Variants in DNAH14 observed in about 807,000 individuals in gnomAD.
DNAH14 encodes the protein dynein axonemal heavy chain 14, also known as axonemal beta dynein heavy chain 14.
A neutral mutation model predicts 520.9 loss-of-function variants in DNAH14; 478 were observed. The ratio of observed to expected loss-of-function variants is 0.92; its 90% CI spans 0.85 to 0.99. The LOEUF (loss-of-function observed/expected upper bound fraction) is 0.99, where lower values mean the gene tolerates loss of function less well. Ranked by LOEUF, DNAH14 falls within the 50% of genes least tolerant of loss-of-function variation. The probability of loss-of-function intolerance (pLI) is 0.00; values close to 1 mark genes in which losing one functional copy is unlikely to be tolerated. For missense variants in DNAH14, 4,831 were observed against 5,234.5 expected, an observed-to-expected ratio of 0.92 and a Z score of 2.38; for synonymous variants, 1,581 against 1,757.2, an observed-to-expected ratio of 0.90 and a Z score of 2.51.
At chr1:225,098,183 C>T (rs964064225) in intron 22 of DNAH14, among the ~76,000 whole-genome samples, 1 of 150,758 alleles carries the variant, frequency 6.6e-6, no homozygotes, top group Non-Finnish European at 1.5e-5. Context: ...AACCATACCA[C>T]AGAGAGAGAC....
chr1:225,062,300 A>G (rs553585837), intron 17 of DNAH14, among the ~76,000 whole-genome samples: 3 of 152,082 alleles, frequency 2.0e-5, no homozygotes, highest in Non-Finnish European at 4.4e-5. Context: ...CTGTATCTCA[A>G]AAAGAGAGAG....
intron 43 of DNAH14, among the ~76,000 whole-genome samples, chr1:225,245,325 T>A (rs2092220608): frequency 6.6e-6 from 1 of 152,168 alleles, no homozygotes; most frequent in Non-Finnish European, 1.5e-5. Flanking sequence ...ATTCTGTAGA[T>A]TTGGGGTGGA....
chr1:225,102,371 C>A (rs1304030280), intron 23 of DNAH14, among the ~76,000 whole-genome samples: 2 of 151,924 alleles, frequency 1.3e-5, no homozygotes, highest in Admixed American at 6.6e-5. Context: ...GTGTCTTTAT[C>A]GCAGCATGAT....
Position 225,002,792 on chromosome 1 carries a change from G to A in DNAH14, c.840G>A (p.Leu280=). 1.3e-6 allele frequency: 2 copies of A among 1,548,130 alleles called. No individual in the cohort carries two copies. Among genetic ancestry groups the A allele is most frequent in the African/African-American group, 1.4e-5 (1 of 72,892 alleles). The change falls in exon 9 of 86, where the codon TTG becomes TTA. Residue 280 remains leucine, a synonymous_variant. Coordinates refer to ENST00000682510, the MANE Select transcript of DNAH14 (RefSeq NM_001367479.1). ...ATTTTTTAACTTTCAGGTCATTTTT[G>A]TACCACCATCTTTTTTTGGCTGATG... ...RIKTEKSRSF[L]YHHLFLADDL...
At chr1:225,381,328 A>G (rs2095779933) in intron 80 of DNAH14, 55 bp from the exon 81 acceptor site, 1 of 1,487,390 alleles carries the variant, frequency 6.7e-7, no homozygotes, top group East Asian at 2.5e-5. Context: ...CCCTCCATGT[A>G]AAGCCTCTTT....
At chr1:225,274,850 T>C (rs1382378509) in intron 52 of DNAH14, among the ~76,000 whole-genome samples, 3 of 152,218 alleles carry the variant, frequency 2.0e-5, no homozygotes, top group African/African-American at 7.2e-5. Context: ...AATTTCAGTT[T>C]ATACAATATC....
intron 64 of DNAH14, among the ~76,000 whole-genome samples, chr1:225,329,285 C>T (rs2094744110): frequency 6.6e-6 from 1 of 152,000 alleles, no homozygotes; most frequent in African/African-American, 2.4e-5. Flanking sequence ...GGCCAAGGTA[C>T]AAAGGATGTG....
chr1:225,274,445 C>T (rs560920787), intron 52 of DNAH14, among the ~76,000 whole-genome samples: 2 of 152,036 alleles, frequency 1.3e-5, no homozygotes, highest in Admixed American at 6.5e-5. Context: ...CCGCCCGCCT[C>T]GGCCTCCCAA....
At chr1:224,987,962 T>A (rs1034779014) in intron 8 of DNAH14, among the ~76,000 whole-genome samples, 1 of 152,090 alleles carries the variant, frequency 6.6e-6, no homozygotes, top group Non-Finnish European at 1.5e-5. Flanking sequence ...CATAGGTAAA[T>A]GTGTGCCATG....
chr1:225,179,130 G>A (rs982390233), intron 36 of DNAH14, among the ~76,000 whole-genome samples: 1 of 152,102 alleles, frequency 6.6e-6, no homozygotes, highest in African/African-American at 2.4e-5. Flanking sequence ...TGTGAAAACT[G>A]ACTAATACAT....
chr1:225,388,760 G>C (rs2095870256), intron 82 of DNAH14, among the ~76,000 whole-genome samples: 1 of 152,144 alleles, frequency 6.6e-6, no homozygotes. Flanking sequence ...AAATGTGAAA[G>C]GAAATAATTA....
At chr1:225,092,896 G>A (rs1447291044) in intron 21 of DNAH14, among the ~76,000 whole-genome samples, 4 of 151,986 alleles carry the variant, frequency 2.6e-5, no homozygotes, top group Admixed American at 6.6e-5. Context: ...TATGAACACC[G>A]CTATGCACAC....
chr1:225,277,743 C>T (rs150347265), intron 54 of DNAH14, among the ~76,000 whole-genome samples: 6 of 152,230 alleles, frequency 3.9e-5, no homozygotes, highest in South Asian at 4.1e-4. Flanking sequence ...TTCTAGTGTT[C>T]GCAGCATTAA....
intron 48 of DNAH14, among the ~76,000 whole-genome samples, chr1:225,266,252 A>G (rs1353378883): frequency 5.3e-5 from 8 of 152,164 alleles, no homozygotes; most frequent in Admixed American, 5.2e-4. Flanking sequence ...TAAATACTAC[A>G]ATAGTGCCTT....
At chr1:225,296,969 G>A (rs1428170606) in intron 55 of DNAH14, among the ~76,000 whole-genome samples, 1 of 151,988 alleles carries the variant, frequency 6.6e-6, no homozygotes, top group Non-Finnish European at 1.5e-5. Flanking sequence ...AGGCTTTTTT[G>A]GGGTTGAATC....
intron 54 of DNAH14, among the ~76,000 whole-genome samples, chr1:225,279,249 C>T (rs911934287): frequency 6.2e-4 from 95 of 152,312 alleles, no homozygotes; most frequent in African/African-American, 2.2e-3. Context: ...TCAGGTGATC[C>T]TCCCACCTTG....
intron 50 of DNAH14, 34 bp downstream of exon 50, chr1:225,270,900 A>C (rs2093297661): frequency 2.0e-6 from 3 of 1,532,752 alleles, no homozygotes; most frequent in Non-Finnish European, 1.8e-6. Context: ...ACTGAAAAAA[A>C]TTAATTCCCT....
intron 6 of DNAH14, among the ~76,000 whole-genome samples, chr1:224,968,178 A>C (rs961526565): frequency 6.6e-5 from 10 of 152,120 alleles, no homozygotes; most frequent in African/African-American, 2.4e-4. Context: ...TCAAGTGAGA[A>C]TGGAGGAAAA....
At chr1:224,964,222 CTT>C (rs1269873431) in intron 4 of DNAH14, among the ~76,000 whole-genome samples, 2 of 152,088 alleles carry the variant, frequency 1.3e-5, no homozygotes, top group East Asian at 3.8e-4. Context: ...TTCCTAGTCT[CTT>C]CTCTTGTTAC....
Sources: allele counts gnomAD v4.1 joint callset (sites outside exome capture counted in the v4.1 genomes callset), GRCh38; gene constraint gnomAD v4.1.1; transcripts MANE v1.5; gene names NCBI Gene and HGNC (gene_info 2026-07-23, HGNC 2026-07-21).